GALNT2: variants seen among roughly 807,000 people sequenced by gnomAD.
GALNT2 encodes the protein UDP-GalNAc:polypeptide N-acetylgalactosaminyltransferase 2.
Under a neutral mutation model 81.4 loss-of-function variants are expected in GALNT2, and 31 were observed. The observed-to-expected ratio is 0.38, with a 90% confidence interval of 0.29 to 0.51. The LOEUF is 0.51. Among genes scored for constraint, GALNT2 ranks in the 20% least tolerant of loss-of-function variants. The probability of loss-of-function intolerance (pLI) is 0.87; values close to 1 mark genes in which losing one functional copy is unlikely to be tolerated. For missense variants in GALNT2, 629 were observed against 765.7 expected, an observed-to-expected ratio of 0.82 and a Z score of 2.11; for synonymous variants, 303 against 287.4, an observed-to-expected ratio of 1.05 and a Z score of -0.55.
intron 3 of GALNT2, among the ~76,000 whole-genome samples, chr1:230,211,053 A>G (rs114697169): frequency 6.6e-6 from 1 of 152,172 alleles, no homozygotes; most frequent in Non-Finnish European, 1.5e-5. Context: ...GGAAATCCAC[A>G]CAGCTCCCCA....
Position 230,178,296 on chromosome 1 carries a change from G to A in GALNT2, c.205G>A (p.Glu69Lys). Reference protein sequence around the residue: ...SNGEEKAQSMETLPPGKVRWP... With the variant: ...SNGEEKAQSMKTLPPGKVRWP... ...TGGAGAAGAGAAAGCACAAAGCATG[G>A]AGACCCTCCCTCCAGGTACTGCCAG... The change falls in exon 2 of 16, where the codon GAG becomes AAG. Residue 69 changes from glutamate to lysine, a missense_variant. Around this residue, in one of 3 missense-constraint regions of GALNT2, gnomAD observed 360 missense variants for 492.8 expected, o/e 0.73. Transcript: ENST00000366672. 1 of 1,613,844 alleles carries A rather than the reference G, an allele frequency of 6.2e-7. No individual in the cohort carries two copies. Among genetic ancestry groups the A allele is most frequent in the East Asian group, 2.2e-5 (1 of 44,860 alleles).
intron 1 of GALNT2, among the ~76,000 whole-genome samples, chr1:230,135,306 C>G (rs547338363): frequency 6.6e-6 from 1 of 152,242 alleles, no homozygotes; most frequent in Non-Finnish European, 1.5e-5. Context: ...TCTAATGATA[C>G]AGAATCTTCA....
intron 1 of GALNT2, among the ~76,000 whole-genome samples, chr1:230,101,120 C>T (rs1030975805): frequency 1.3e-5 from 2 of 152,172 alleles, no homozygotes; most frequent in Non-Finnish European, 2.9e-5. Flanking sequence ...TGTGTAAGTA[C>T]ACTCTGATCA....
chr1:230,262,878 T>C, intron 12 of GALNT2, 44 bp from the exon 13 acceptor site: 1 of 1,571,862 alleles, frequency 6.4e-7, no homozygotes, highest in Non-Finnish European at 8.8e-7. Flanking sequence ...AAAGCCCATC[T>C]ATTCTTAAAA....
chr1:230,122,672 GTGTT>G (rs1661055338), intron 1 of GALNT2, among the ~76,000 whole-genome samples: 1 of 152,056 alleles, frequency 6.6e-6, no homozygotes, highest in Admixed American at 6.5e-5. Flanking sequence ...CCGTGTGTGT[GTGTT>G]TTCCTTCAGA....
intron 1 of GALNT2, among the ~76,000 whole-genome samples, chr1:230,095,816 G>T (rs1315562803): frequency 1.3e-5 from 2 of 152,216 alleles, no homozygotes; most frequent in Non-Finnish European, 2.9e-5. Flanking sequence ...AGACGTCCAG[G>T]CTGCTCTGCT....
At chr1:230,068,674 C>G (rs1022461590) in intron 1 of GALNT2, among the ~76,000 whole-genome samples, 3 of 152,158 alleles carry the variant, frequency 2.0e-5, no homozygotes, top group Non-Finnish European at 2.9e-5. Flanking sequence ...TTCATTCATT[C>G]ATTCATAGCC....
intron 3 of GALNT2, among the ~76,000 whole-genome samples, chr1:230,233,994 C>T (rs979088109): frequency 1.3e-5 from 2 of 151,704 alleles, no homozygotes; most frequent in Non-Finnish European, 2.9e-5. Flanking sequence ...TATGGGAAGG[C>T]GAGGGGCAGA....
rs914107074 is a variant in GALNT2 at position 230,243,473 on chromosome 1, G to A, written c.729+46G>A. 1 of 1,601,012 alleles carries A rather than the reference G, an allele frequency of 6.2e-7. No individual in the cohort carries two copies. Among genetic ancestry groups the A allele is most frequent in the Non-Finnish European group, 8.5e-7 (1 of 1,178,082 alleles). ...AGGGGTGTCAGGTCGTGGGTGGTTG[G>A]TAGAGGGGACAGAAGGGAGCATGGT... is the stretch of plus-strand genomic sequence containing the variant. On this transcript the variant is annotated intron_variant, in intron 7 of 15. Transcript: ENST00000366672. The surrounding 1 kb of genome is among the most constrained non-coding windows in gnomAD (Gnocchi z 4.2).
In GALNT2 at chr1:230,070,370, C is replaced by T. The variant is rs1045188316; in HGVS notation, c.126+2964C>T. On this transcript the variant is annotated intron_variant, in intron 1 of 15. Coordinates refer to ENST00000366672, the MANE Select transcript of GALNT2 (RefSeq NM_004481.5). The surrounding 1 kb of genome is among the most constrained non-coding windows in gnomAD (Gnocchi z 4.7). ...GTTAAGTCTCCCCTGGGCTTTGGTA[C>T]GTTGGCAGTGGATGGAGCCGCAGAA... Among the ~76,000 whole-genome samples, 1 of 152,052 alleles carries T rather than the reference C, an allele frequency of 6.6e-6. No homozygotes were observed. The highest frequency in any genetic ancestry group is 1.5e-5 in the Non-Finnish European group (1 of 68,022).
intron 1 of GALNT2, among the ~76,000 whole-genome samples, chr1:230,165,927 T>G (rs1662587978): frequency 6.6e-6 from 1 of 152,264 alleles, no homozygotes; most frequent in Non-Finnish European, 1.5e-5. Context: ...TACTGTGATC[T>G]GATTGAAATA....
intron 2 of GALNT2, among the ~76,000 whole-genome samples, chr1:230,179,255 A>G (rs1014854868): frequency 4.6e-5 from 7 of 152,290 alleles, no homozygotes; most frequent in East Asian, 1.9e-4. Context: ...TAAAGCTACT[A>G]TAAATATCTA....
chr1:230,191,093 C>G (rs1337843417), intron 2 of GALNT2, among the ~76,000 whole-genome samples: 1 of 152,090 alleles, frequency 6.6e-6, no homozygotes, highest in Non-Finnish European at 1.5e-5. Flanking sequence ...AAGTGGAGAC[C>G]AAGGGCTGAG....
intron 1 of GALNT2, chr1:230,091,936 T>A (rs1660096871): frequency 6.6e-6 from 1 of 152,274 alleles, no homozygotes; most frequent in East Asian, 1.9e-4. Flanking sequence ...TCGTTGCTAC[T>A]TCCCTGATAT....
At chr1:230,151,640 G>C (rs1662097305) in intron 1 of GALNT2, among the ~76,000 whole-genome samples, 2 of 152,188 alleles carry the variant, frequency 1.3e-5, no homozygotes. Flanking sequence ...AAGGAAAGCA[G>C]AGCTCCTCAG....
chr1:230,145,886 C>T (rs747840634), intron 1 of GALNT2, among the ~76,000 whole-genome samples: 3 of 152,248 alleles, frequency 2.0e-5, no homozygotes, highest in Non-Finnish European at 4.4e-5. Flanking sequence ...CCCAGCCCCT[C>T]TGGGAAGTGT....
chr1:230,172,357 T>G (rs1253175510), intron 1 of GALNT2, among the ~76,000 whole-genome samples: 1 of 152,186 alleles, frequency 6.6e-6, no homozygotes, highest in Admixed American at 6.5e-5. Flanking sequence ...ACCCCAGCCC[T>G]AGGCAAACCT....
intron 1 of GALNT2, among the ~76,000 whole-genome samples, chr1:230,080,427 A>G (rs1659692547): frequency 6.6e-6 from 1 of 152,174 alleles, no homozygotes; most frequent in Non-Finnish European, 1.5e-5. Flanking sequence ...TGATGTCCCA[A>G]GCAGTGGTGC....
At chr1:230,205,431 A>G (rs138707828) in intron 3 of GALNT2, among the ~76,000 whole-genome samples, 1 of 152,278 alleles carries the variant, frequency 6.6e-6, no homozygotes, top group Non-Finnish European at 1.5e-5. Flanking sequence ...ATCTTATATA[A>G]TAGTAAGAAT....
Sources: allele counts gnomAD v4.1 joint callset (sites outside exome capture counted in the v4.1 genomes callset), GRCh38; gene constraint gnomAD v4.1.1; regional missense constraint gnomAD v4.1.1; non-coding constraint Gnocchi (gnomAD v3.1); transcripts MANE v1.5; gene names NCBI Gene and HGNC (gene_info 2026-07-23, HGNC 2026-07-21).